The following PPP4R4 variants were observed in gnomAD, a reference collection of about 807,000 sequenced individuals.
PPP4R4 encodes the protein serine/threonine-protein phosphatase 4 regulatory subunit 4.
PPP4R4 carries 70 observed loss-of-function variants against 121.8 expected under a neutral mutation model. That is an observed-to-expected ratio of 0.57 (90% CI 0.47 to 0.70). The LOEUF (loss-of-function observed/expected upper bound fraction) is 0.70. PPP4R4 is among the 30% of genes least tolerant of loss of function. The pLI is 0.00. For missense variants in PPP4R4, 875 were observed against 1,033.6 expected (o/e 0.85, Z 2.10); for synonymous variants, 348 against 355.7 (o/e 0.98, Z 0.24).
At chr14:94,237,467 A>G in intron 7 of PPP4R4, 98 bp from the exon 8 acceptor site, 1 of 1,151,154 alleles carries the variant, frequency 8.7e-7, no homozygotes, top group South Asian at 1.5e-5. Context: ...ATGATTTTTC[A>G]TATTTTCTGC....
At chr14:94,246,206 C>T in intron 13 of PPP4R4, 151 bp from the exon 14 acceptor site, 2 of 601,346 alleles carry the variant, frequency 3.3e-6, no homozygotes, top group East Asian at 3.1e-5. Context: ...TTGATTTAAC[C>T]AGATAATTAT....
chr14:94,192,415 A>G (rs962128221), intron 2 of PPP4R4, among the ~76,000 whole-genome samples: 2 of 152,138 alleles, frequency 1.3e-5, no homozygotes, highest in Non-Finnish European at 2.9e-5. Flanking sequence ...CTCTAAGGTA[A>G]TCATTTAATT....
At chr14:94,256,987 A>G (rs1893509288) in intron 17 of PPP4R4, among the ~76,000 whole-genome samples, 1 of 152,114 alleles carries the variant, frequency 6.6e-6, no homozygotes, top group Admixed American at 6.5e-5. Context: ...TATCCCTGGA[A>G]GGGCCCTTTG....
chr14:94,235,315 C>G (rs982889533), intron 7 of PPP4R4, among the ~76,000 whole-genome samples: 1 of 150,850 alleles, frequency 6.6e-6, no homozygotes. Context: ...GCCGACTACA[C>G]TCTAATGGAA....
chr14:94,265,715 G>T (rs1894012512), intron 21 of PPP4R4, 79 bp from the exon 22 acceptor site: 1 of 1,054,468 alleles, frequency 9.5e-7, no homozygotes, highest in East Asian at 2.4e-5. Flanking sequence ...GAAAATGATG[G>T]TAGTTGGGGA....
At chr14:94,178,665 G>A (rs994965473) in intron 2 of PPP4R4, among the ~76,000 whole-genome samples, 1 of 152,070 alleles carries the variant, frequency 6.6e-6, no homozygotes, top group Non-Finnish European at 1.5e-5. Flanking sequence ...GAATATTACA[G>A]TCTTCAAAGA....
intron 2 of PPP4R4, among the ~76,000 whole-genome samples, chr14:94,184,743 T>C (rs1435564530): frequency 6.6e-6 from 1 of 152,234 alleles, no homozygotes; most frequent in East Asian, 1.9e-4. Context: ...TCATCACTTT[T>C]GGCTTATCCT....
intron 2 of PPP4R4, among the ~76,000 whole-genome samples, chr14:94,180,214 GA>G (rs1489873206): frequency 6.6e-6 from 1 of 152,162 alleles, no homozygotes; most frequent in Non-Finnish European, 1.5e-5. Context: ...AACTTTAAAA[GA>G]GGATAATGGT....
intron 6 of PPP4R4, among the ~76,000 whole-genome samples, 189 bp from the exon 7 acceptor site, chr14:94,234,373 A>G (rs551272961): frequency 5.3e-5 from 8 of 152,358 alleles, no homozygotes; most frequent in African/African-American, 1.9e-4. Flanking sequence ...TGTGTGATAT[A>G]CATAATTTAC....
chr14:94,220,030 T>A (rs1002185957), intron 3 of PPP4R4, among the ~76,000 whole-genome samples: 1 of 152,140 alleles, frequency 6.6e-6, no homozygotes, highest in Non-Finnish European at 1.5e-5. Context: ...GAGGCCAGCC[T>A]GGCCAACATG....
chr14:94,257,249 G>A (rs1893524383), intron 17 of PPP4R4, among the ~76,000 whole-genome samples: 1 of 152,072 alleles, frequency 6.6e-6, no homozygotes, highest in Admixed American at 6.5e-5. Flanking sequence ...ATTTGGGTTA[G>A]TGAGCCACAT....
intron 2 of PPP4R4, among the ~76,000 whole-genome samples, chr14:94,195,140 A>G (rs989788382): frequency 1.3e-5 from 2 of 152,186 alleles, no homozygotes; most frequent in African/African-American, 2.4e-5. Flanking sequence ...TTTCACTCAC[A>G]TCTAAAAAAT....
intron 3 of PPP4R4, among the ~76,000 whole-genome samples, chr14:94,212,420 C>T (rs1426328943): frequency 6.6e-6 from 1 of 152,034 alleles, no homozygotes; most frequent in Non-Finnish European, 1.5e-5. Context: ...AGAATTAAGC[C>T]AATCCATAGT....
intron 3 of PPP4R4, among the ~76,000 whole-genome samples, chr14:94,213,720 A>G (rs1890866319): frequency 1.3e-5 from 2 of 152,192 alleles, no homozygotes; most frequent in Non-Finnish European, 1.5e-5. Flanking sequence ...GCAACCACCA[A>G]AAGCTGAAAG....
chr14:94,276,547 G>A (rs1406880983), intron 24 of PPP4R4, among the ~76,000 whole-genome samples: 1 of 152,146 alleles, frequency 6.6e-6, no homozygotes, highest in Non-Finnish European at 1.5e-5. Flanking sequence ...ACAGGAGCAG[G>A]AGAGAGAAAG....
At chr14:94,275,134 G>A (rs533974550) in intron 23 of PPP4R4, among the ~76,000 whole-genome samples, 1 of 152,242 alleles carries the variant, frequency 6.6e-6, no homozygotes, top group South Asian at 2.1e-4. Context: ...GGATTGTGAT[G>A]GGGTATGAGG....
chr14:94,271,111 T>G (rs888602636), intron 23 of PPP4R4, among the ~76,000 whole-genome samples: 4 of 152,162 alleles, frequency 2.6e-5, no homozygotes, highest in Non-Finnish European at 5.9e-5. Flanking sequence ...GAATAAATTT[T>G]ACCAATTATC....
intron 3 of PPP4R4, chr14:94,227,430 A>T: frequency 6.3e-7 from 1 of 1,576,016 alleles, no homozygotes; most frequent in Non-Finnish European, 8.6e-7. Context: ...TGTTTAGAAA[A>T]TCAGTTGATT....
intron 12 of PPP4R4, 132 bp downstream of exon 12, chr14:94,244,844 G>A: frequency 2.5e-6 from 2 of 810,456 alleles, no homozygotes; most frequent in Non-Finnish European, 3.5e-6. Context: ...TCAAATTGTT[G>A]TACCACTATA....
Sources: allele counts gnomAD v4.1 joint callset (sites outside exome capture counted in the v4.1 genomes callset), GRCh38; gene constraint gnomAD v4.1.1; transcripts MANE v1.5; gene names NCBI Gene and HGNC (gene_info 2026-07-23, HGNC 2026-07-21).